The following GALNT13 variants were observed in gnomAD, a reference collection of about 807,000 sequenced individuals.
GALNT13 encodes the protein UDP-GalNAc:polypeptide N-acetylgalactosaminyltransferase 13.
A neutral mutation model predicts 64.2 loss-of-function variants in GALNT13; 28 were observed. That is an observed-to-expected ratio of 0.44 (90% CI 0.32 to 0.60). The LOEUF (loss-of-function observed/expected upper bound fraction) is 0.60. Ranked by LOEUF, GALNT13 falls within the 20% of genes least tolerant of loss-of-function variation. The probability of loss-of-function intolerance (pLI) is 0.05; values close to 1 mark genes in which losing one functional copy is unlikely to be tolerated. For synonymous variants in GALNT13, 214 were observed against 224.6 expected, an observed-to-expected ratio of 0.95 and a Z score of 0.42; for missense variants, 577 against 669.8, an observed-to-expected ratio of 0.86 and a Z score of 1.53.
chr2:153,138,651 A>T, the GALNT13 span, among the ~76,000 whole-genome samples: 16 of 152,012 alleles, frequency 1.1e-4, no homozygotes, highest in South Asian at 2.1e-4. Context: ...ATATAAAAAT[A>T]GTTAGCATCA....
the GALNT13 span, among the ~76,000 whole-genome samples, chr2:153,540,614 G>A: frequency 2.6e-5 from 4 of 152,162 alleles, no homozygotes; most frequent in South Asian, 2.1e-4. Context: ...AGCAGCCCCC[G>A]GGCCTGTATC....
chr2:154,441,316 G>A (rs1278440980), intron 12 of GALNT13, among the ~76,000 whole-genome samples: 2 of 152,120 alleles, frequency 1.3e-5, no homozygotes, highest in African/African-American at 2.4e-5. Flanking sequence ...TAATTGCTCA[G>A]TGGTTCTATT....
intron 3 of GALNT13, among the ~76,000 whole-genome samples, chr2:154,028,824 T>G (rs962550287): frequency 6.6e-6 from 1 of 151,818 alleles, no homozygotes; most frequent in Admixed American, 6.6e-5. Flanking sequence ...GATAAAAAAA[T>G]AATGGGAAAG....
the GALNT13 span, among the ~76,000 whole-genome samples, chr2:153,803,858 A>G: frequency 1.3e-5 from 2 of 152,224 alleles, 1 homozygote; most frequent in African/African-American, 4.8e-5. Flanking sequence ...CCAGCACCTT[A>G]GTCTTAGACT....
At chr2:153,735,149 A>T in the GALNT13 span, among the ~76,000 whole-genome samples, 9 of 152,114 alleles carry the variant, frequency 5.9e-5, no homozygotes, top group Non-Finnish European at 1.2e-4. Flanking sequence ...ATTTTCAGAG[A>T]GTTTAATTAA....
At chr2:153,913,739 C>G (rs560878585) in intron 2 of GALNT13, among the ~76,000 whole-genome samples, 12 of 152,048 alleles carry the variant, frequency 7.9e-5, no homozygotes, top group African/African-American at 2.7e-4. Context: ...TCCTGGTGAA[C>G]GGCAGTCCCA....
chr2:153,723,704 A>G, the GALNT13 span, among the ~76,000 whole-genome samples: 2 of 152,094 alleles, frequency 1.3e-5, no homozygotes, highest in East Asian at 1.9e-4. Flanking sequence ...CCCATTCACA[A>G]TTGCTTCAAA....
At chr2:153,710,794 G>A in the GALNT13 span, among the ~76,000 whole-genome samples, 2 of 151,928 alleles carry the variant, frequency 1.3e-5, no homozygotes, top group Admixed American at 1.3e-4. Context: ...CAATGAATAT[G>A]TCATTGATAC....
At chr2:153,781,513 G>A in the GALNT13 span, among the ~76,000 whole-genome samples, 937 of 152,186 alleles carry the variant, frequency 6.2e-3, 9 homozygotes, top group African/African-American at 0.022. Flanking sequence ...TGCATGCTGG[G>A]CAAGAATAAG....
intron 2 of GALNT13, among the ~76,000 whole-genome samples, chr2:153,931,564 G>A (rs904930290): frequency 6.6e-6 from 1 of 152,076 alleles, no homozygotes; most frequent in East Asian, 1.9e-4. Flanking sequence ...ATGATGCCAT[G>A]TTGAATTTTA....
At chr2:153,963,727 CTCTCTGTG>C (rs770365905) in intron 3 of GALNT13, among the ~76,000 whole-genome samples, 27 of 96,726 alleles carry the variant, frequency 2.8e-4, no homozygotes, top group Middle Eastern at 5.1e-3. Context: ...CTCTCTCTCT[CTCTCTGTG>C]TGTGTGTGTG....
At chr2:153,418,668 T>C in the GALNT13 span, among the ~76,000 whole-genome samples, 3 of 152,168 alleles carry the variant, frequency 2.0e-5, no homozygotes, top group South Asian at 2.1e-4. Context: ...AGATGGACTA[T>C]AGAGAAAGCC....
At chr2:153,100,713 A>G in the GALNT13 span, among the ~76,000 whole-genome samples, 14,583 of 152,244 alleles carry the variant, frequency 0.096, 775 homozygotes, top group Non-Finnish European at 0.12. Flanking sequence ...TAGACTGATC[A>G]TTTCAACTGG....
the GALNT13 span, among the ~76,000 whole-genome samples, chr2:153,262,876 C>T: frequency 1.3e-5 from 2 of 152,046 alleles, no homozygotes; most frequent in African/African-American, 4.8e-5. Context: ...AAGCATTCCA[C>T]TTGAAAACTG....
the GALNT13 span, among the ~76,000 whole-genome samples, chr2:153,126,309 T>C: frequency 9.0e-5 from 1 of 11,076 alleles, no homozygotes; most frequent in African/African-American, 2.5e-4. Flanking sequence ...TATATATATA[T>C]ATATATATAT....
the GALNT13 span, chr2:153,478,732 T>A: frequency 3.2e-6 from 2 of 616,742 alleles, no homozygotes; most frequent in Admixed American, 6.3e-5. Context: ...CCCAGGAGCC[T>A]CTCCGACGCG....
the GALNT13 span, among the ~76,000 whole-genome samples, chr2:153,441,263 T>C: frequency 6.6e-6 from 1 of 152,204 alleles, no homozygotes; most frequent in Non-Finnish European, 1.5e-5. Context: ...GTTGTATATG[T>C]GTGGCATTAT....
chr2:153,248,678 T>C, the GALNT13 span, among the ~76,000 whole-genome samples: 1 of 150,932 alleles, frequency 6.6e-6, no homozygotes. Flanking sequence ...TAGCTGGGCG[T>C]GGTGGTGGGT....
chr2:154,455,998 TATA>T (rs1422832610), downstream of GALNT13, among the ~76,000 whole-genome samples: 1 of 152,182 alleles, frequency 6.6e-6, no homozygotes, highest in African/African-American at 2.4e-5. Flanking sequence ...AGGCTATATC[TATA>T]ATGTTTTTTA....
Sources: gnomAD v4.1 joint callset for allele counts (sites outside exome capture counted in the v4.1 genomes callset) on GRCh38, gnomAD v4.1.1 for gene constraint, MANE v1.5 for transcripts, NCBI Gene and HGNC (gene_info 2026-07-23, HGNC 2026-07-21) for gene names.